Variants in ENTR1 observed in about 807,000 individuals in gnomAD.
ENTR1 encodes endosome associated trafficking regulator 1.
A neutral mutation model predicts 47.9 loss-of-function variants in ENTR1; 47 were observed. The ratio of observed to expected loss-of-function variants is 0.98; its 90% CI spans 0.78 to 1.25. The LOEUF (loss-of-function observed/expected upper bound fraction) is 1.25. ENTR1 is among the 50% of genes most tolerant of loss of function. ENTR1 has a pLI of 0.00. For synonymous variants in ENTR1, 290 were observed against 245.8 expected, an observed-to-expected ratio of 1.18 and a Z score of -1.68; for missense variants, 668 against 570.5, an observed-to-expected ratio of 1.17 and a Z score of -1.74.
intron 3 of ENTR1, among the ~76,000 whole-genome samples, chr9:136,408,207 G>A (rs549416053): frequency 4.6e-5 from 7 of 152,254 alleles, no homozygotes; most frequent in Admixed American, 1.3e-4. Context: ...CCCCTGGGGA[G>A]CTTTAAAACG....
intron 3 of ENTR1, among the ~76,000 whole-genome samples, chr9:136,408,383 C>A (rs1397014140): frequency 6.6e-6 from 1 of 152,048 alleles, no homozygotes; most frequent in Admixed American, 6.6e-5. Context: ...CTGAGACCAT[C>A]CTGGCTAACA....
chr9:136,402,659 G>T lies in ENTR1; in HGVS notation c.*129C>A. Reference sequence around the variant, plus strand: ...AAGAACTGGCTGAGGGCACGACACTGGACTCTTGCGATCAACACTTTACTC... The same window carrying T: ...AAGAACTGGCTGAGGGCACGACACTTGACTCTTGCGATCAACACTTTACTC... On this transcript the variant is annotated 3_prime_UTR_variant, in exon 10 of 10. Coordinates refer to ENST00000357365, the MANE Select transcript of ENTR1 (RefSeq NM_001039707.2). 1.5e-6 allele frequency: 1 copy of T among 656,178 alleles called. No individual in the cohort carries two copies. The highest frequency in any genetic ancestry group is 2.7e-6 in the Non-Finnish European group (1 of 375,102). 40.6% of individuals were successfully genotyped at this position (656,178 alleles called of 1,614,324 possible).
In ENTR1 at chr9:136,408,680, G is replaced by T. The variant is rs778318164; in HGVS notation, c.289+319C>A. ...TTCCTACCTAGGTAGCCTAAATAAC[G>T]CCCACTTTTCCCTTCTCCCTCTTGC... is the stretch of plus-strand genomic sequence containing the variant. On this transcript the variant is annotated intron_variant, in intron 3 of 9. Coordinates refer to ENST00000357365, the MANE Select transcript of ENTR1 (RefSeq NM_001039707.2). 4.8e-4 allele frequency among the ~76,000 whole-genome samples: 73 copies of T among 152,018 alleles called. 1 individual carries two copies. Among genetic ancestry groups the T allele is most frequent in the Non-Finnish European group, 2.2e-4 (15 of 67,984 alleles).
intron 9 of ENTR1, 130 bp downstream of exon 9, chr9:136,403,925 T>A (rs1426345154): frequency 1.8e-6 from 2 of 1,104,126 alleles, no homozygotes; most frequent in South Asian, 3.2e-5. Flanking sequence ...TGAGCACGCG[T>A]CCCTCCCTGC....
Position 136,402,806 on chromosome 9 carries a change from G to C in ENTR1, c.1290C>G (p.Asp430Glu), listed in dbSNP as rs372063103. 6 of 1,612,564 alleles carry C rather than the reference G, an allele frequency of 3.7e-6. No individual in the cohort carries two copies. In the African/African-American group the frequency reaches 5.3e-5, roughly 14 times the overall value. The change falls in exon 10 of 10, where the codon GAC (aspartate) becomes GAG (glutamate). Residue 430 changes from aspartate to glutamate, a missense_variant. Coordinates refer to ENST00000357365, the MANE Select transcript of ENTR1 (RefSeq NM_001039707.2). ...GGGGTCCTCAAGAGTCTTCCTCCTC[G>C]TCTTTAACTTCAGAAATTCTGTCTA... ...KSIDRISEVK[D>E]EEEDS
chr9:136,408,232 A>G (rs2131564683), intron 3 of ENTR1, among the ~76,000 whole-genome samples: 1 of 152,192 alleles, frequency 6.6e-6, no homozygotes, highest in South Asian at 2.1e-4. Context: ...AAGCCACTCC[A>G]CTGCACACAC....
intron 2 of ENTR1, among the ~76,000 whole-genome samples, chr9:136,409,546 C>T (rs1834974207): frequency 2.0e-5 from 3 of 152,186 alleles, no homozygotes; most frequent in Admixed American, 2.0e-4. Context: ...GCCTGACTTG[C>T]AGACTGGCCC....
chr9:136,403,906 C>T, intron 9 of ENTR1, 149 bp downstream of exon 9: 1 of 909,170 alleles, frequency 1.1e-6, no homozygotes, highest in Non-Finnish European at 1.7e-6. Flanking sequence ...AGAGAGCTAA[C>T]AGGACCACTG....
chr9:136,407,567 A>T lies in ENTR1; in HGVS notation c.403-6T>A, dbSNP rs758697485. 6.0e-6 allele frequency: 5 copies of T among 837,166 alleles called. No individual in the cohort carries two copies. The highest frequency in any genetic ancestry group is 2.1e-5 in the African/African-American group (1 of 47,544). The allele number at this position is 837,166 out of a possible 1,614,324, so 51.9% of individuals were successfully genotyped here. A position where few individuals can be genotyped will look rare whatever the true frequency, so the allele number is the denominator to read the frequency against. On this transcript the variant is annotated splice_region_variant and splice_polypyrimidine_tract_variant and intron_variant, in intron 4 of 9. Coordinates refer to ENST00000357365, the MANE Select transcript of ENTR1 (RefSeq NM_001039707.2). The stretch of plus-strand genomic sequence containing the variant: ...AGGGAATGCCTCGAGGCTTCCTAAA[A>T]AAAAAAAAAAAAAAAAAACAATGGA...
In ENTR1 at chr9:136,405,901, A is replaced by G; in HGVS notation, c.893+4T>C. 6.3e-7 allele frequency: 1 copy of G among 1,578,170 alleles called. No individual in the cohort carries two copies. The highest frequency in any genetic ancestry group is 8.6e-7 in the Non-Finnish European group (1 of 1,159,518). ...ATTGCATTCCTAACTAAAAGCTTAC[A>G]TACATTTCTGTTTGAGCTTCAGAGA... On this transcript the variant is annotated splice_donor_region_variant and intron_variant, in intron 6 of 9. Transcript: ENST00000357365.
Position 136,404,198 on chromosome 9 carries a change from G to T in ENTR1, c.1069-4C>A. On this transcript the variant is annotated splice_region_variant and splice_polypyrimidine_tract_variant and intron_variant, in intron 8 of 9. Coordinates refer to ENST00000357365, the MANE Select transcript of ENTR1 (RefSeq NM_001039707.2). Reference sequence around the variant, plus strand: ...GCTGGAAGTTGGAGACCTGCGCCTGGGGGGACGGTTACGGCTAAGGACAGA... The same window carrying T: ...GCTGGAAGTTGGAGACCTGCGCCTGTGGGGACGGTTACGGCTAAGGACAGA... 6 of 1,604,908 alleles carry T rather than the reference G, an allele frequency of 3.7e-6. No individual in the cohort carries two copies. Among genetic ancestry groups the T allele is most frequent in the African/African-American group, 1.3e-5 (1 of 74,860 alleles).
chr9:136,408,762 G>A (rs1360843967), intron 3 of ENTR1, among the ~76,000 whole-genome samples: 1 of 152,132 alleles, frequency 6.6e-6, no homozygotes, highest in Non-Finnish European at 1.5e-5. Context: ...TCCCAGCTGT[G>A]AGCCCCATGT....
In ENTR1 at chr9:136,410,570, C is replaced by T. The variant is rs575317072; in HGVS notation, c.-173G>A. 151 of 1,176,612 alleles carry T rather than the reference C, an allele frequency of 1.3e-4. No individual in the cohort carries two copies. The African/African-American group carries it at 2.2e-3, about 17-fold the overall frequency. 72.9% of individuals were successfully genotyped at this position (1,176,612 alleles called of 1,614,324 possible). On this transcript the variant is annotated 5_prime_UTR_variant, in exon 1 of 10. In the 5' UTR this introduces an upstream ATG that the reference lacks. Transcript: ENST00000357365. The stretch of plus-strand genomic sequence containing the variant: ...CTCGCCGCTGCTTCCGCTCCGAGCA[C>T]CGAAAGCGCGTGCCTGAACGCCTTG...
At chr9:136,409,916 CA>C in intron 2 of ENTR1, 173 bp downstream of exon 2, 1 of 825,800 alleles carries the variant, frequency 1.2e-6, no homozygotes, top group Non-Finnish European at 2.1e-6. Context: ...GGTCTCCCCG[CA>C]ACCAGACTGT....
At position 136,407,271 on chromosome 9, in the gene ENTR1, C is replaced by T. The variant is rs759921036; in HGVS notation, c.693G>A (p.Ala231=). The T allele has an allele frequency of 1.9e-5, 30 of 1,612,822 alleles. No homozygotes were observed. In the South Asian group the frequency reaches 2.6e-4, roughly 14 times the overall value. ...LAGPESLPSW[A]LSDTDSRVSP... ...ACACGCGAGAATCAGTGTCACTCAA[C>T]GCCCACGAGGGCAGAGACTCAGGCC... The change falls in exon 5 of 10, where the codon GCG becomes GCA. Residue 231 remains alanine, a synonymous_variant. Transcript: ENST00000357365.
At chr9:136,405,239 G>T (rs779780068) in intron 6 of ENTR1, 37 bp from the exon 7 acceptor site, 1 of 1,533,998 alleles carries the variant, frequency 6.5e-7, no homozygotes, top group Middle Eastern at 1.7e-4. Flanking sequence ...AATTTCTGTG[G>T]CTACTTTTAA....
chr9:136,410,127 A>G lies in ENTR1; in HGVS notation c.183T>C (p.Tyr61=). The G allele has an allele frequency of 6.2e-7, 1 of 1,612,842 alleles. No homozygotes were observed. The change falls in exon 2 of 10, where the codon TAT becomes TAC. Residue 61 remains tyrosine (Y), a synonymous_variant. Coordinates refer to ENST00000357365, the MANE Select transcript of ENTR1 (RefSeq NM_001039707.2). The part of the protein sequence containing the change: ...FFGIRPAFMC[Y]VPSPVLASVG... ...CGGAAGCCAGCACCGGGCTGGGCACATAGCACATAAAGGCCGGCCGAATGC... is the reference window on the plus strand; with the variant it reads ...CGGAAGCCAGCACCGGGCTGGGCACGTAGCACATAAAGGCCGGCCGAATGC...
At chr9:136,409,900 G>T (rs1184825779) in intron 2 of ENTR1, 190 bp downstream of exon 2, 1 of 753,744 alleles carries the variant, frequency 1.3e-6, no homozygotes, top group Non-Finnish European at 2.4e-6. Flanking sequence ...TGTCTGTCTT[G>T]GGGGAGGTCT....
At position 136,407,277 on chromosome 9, in the gene ENTR1, C is replaced by T. The variant is rs111838993; in HGVS notation, c.687G>A (p.Ser229=). ...GAGAATCAGTGTCACTCAACGCCCACGAGGGCAGAGACTCAGGCCCTGCCA... is the reference window on the plus strand; with the variant it reads ...GAGAATCAGTGTCACTCAACGCCCATGAGGGCAGAGACTCAGGCCCTGCCA... ...SELAGPESLP[S]WALSDTDSRV... The change falls in exon 5 of 10, where the codon TCG becomes TCA. Residue 229 remains serine, a synonymous_variant. Coordinates refer to ENST00000357365, the MANE Select transcript of ENTR1 (RefSeq NM_001039707.2). The T allele has an allele frequency of 1.1e-5, 17 of 1,612,842 alleles. No individual in the cohort carries two copies. The highest frequency in any genetic ancestry group is 6.7e-5 in the African/African-American group (5 of 75,054).
Sources: allele counts gnomAD v4.1 joint callset (sites outside exome capture counted in the v4.1 genomes callset), GRCh38; gene constraint gnomAD v4.1.1; transcripts MANE v1.5; gene names NCBI Gene and HGNC (gene_info 2026-07-23, HGNC 2026-07-21).